Variants in EIF2S2 observed in about 807,000 individuals in gnomAD.
The protein encoded by EIF2S2 is eukaryotic translation initiation factor 2 subunit 2.
In EIF2S2, 4 loss-of-function variants were observed where a neutral mutation model predicts 44.0. The ratio of observed to expected loss-of-function variants is 0.09; its 90% CI spans 0.04 to 0.21. EIF2S2 has a LOEUF of 0.21. Among genes scored for constraint, EIF2S2 ranks in the 10% least tolerant of loss-of-function variants. EIF2S2 has a pLI of 1.00. For missense variants in EIF2S2, 154 were observed against 392.0 expected (o/e 0.39, Z 5.13); for synonymous variants, 108 against 128.3 (o/e 0.84, Z 1.07).
rs149639815 is a variant in EIF2S2, at chr20:34,090,455, C to CT, written c.826+61dup. ...TCACTGCAATCAAATGGCTCTTCCT[C>CT]TAACACTGCAGCCTCATGAGAACAT... On this transcript the variant is annotated intron_variant, in intron 8 of 8. Coordinates refer to ENST00000374980, the MANE Select transcript of EIF2S2 (RefSeq NM_003908.5). The CT allele has an allele frequency of 1.7e-4, 179 of 1,081,988 alleles. No individual in the cohort carries two copies. The African/African-American group carries it at 2.5e-3, about 15-fold the overall frequency. 67.0% of individuals were successfully genotyped at this position (1,081,988 alleles called of 1,614,324 possible).
intron 6 of EIF2S2, among the ~76,000 whole-genome samples, chr20:34,096,159 A>C (rs1328491802): frequency 6.6e-6 from 1 of 152,042 alleles, no homozygotes; most frequent in Non-Finnish European, 1.5e-5. Context: ...AACTACATTG[A>C]GCCTCCTCAC....
chr20:34,095,937 C>T (rs2034223255), intron 6 of EIF2S2, among the ~76,000 whole-genome samples: 1 of 152,162 alleles, frequency 6.6e-6, no homozygotes, highest in Non-Finnish European at 1.5e-5. Context: ...AGAGAAAAGC[C>T]ATTCCCAGAC....
At chr20:34,101,135 CA>C (rs2034290335) in intron 3 of EIF2S2, among the ~76,000 whole-genome samples, 1 of 152,110 alleles carries the variant, frequency 6.6e-6, no homozygotes, top group Non-Finnish European at 1.5e-5. Flanking sequence ...GTCTTAGTGC[CA>C]CATGTGGCTA....
intron 6 of EIF2S2, among the ~76,000 whole-genome samples, chr20:34,095,928 G>C (rs1046974075): frequency 2.0e-5 from 3 of 152,180 alleles, no homozygotes; most frequent in African/African-American, 7.2e-5. Flanking sequence ...GAGGAGCTCA[G>C]AGAAAAGCCA....
intron 1 of EIF2S2, among the ~76,000 whole-genome samples, chr20:34,106,753 A>C (rs2034354089): frequency 6.6e-6 from 1 of 152,120 alleles, no homozygotes; most frequent in South Asian, 2.1e-4. Flanking sequence ...TTCTTATCTA[A>C]ATGTCCACTA....
intron 1 of EIF2S2, among the ~76,000 whole-genome samples, chr20:34,105,883 C>T (rs929392377): frequency 3.3e-5 from 5 of 152,138 alleles, no homozygotes; most frequent in African/African-American, 1.2e-4. Flanking sequence ...CCTCACTTTA[C>T]AGATATAGGA....
At chr20:34,109,455 A>G (rs2034386175) in intron 1 of EIF2S2, among the ~76,000 whole-genome samples, 1 of 151,936 alleles carries the variant, frequency 6.6e-6, no homozygotes. Context: ...TGAGGCCAGG[A>G]GTTCAAGACA....
intron 1 of EIF2S2, among the ~76,000 whole-genome samples, chr20:34,108,463 C>A (rs188123970): frequency 5.3e-5 from 8 of 152,260 alleles, no homozygotes; most frequent in Admixed American, 4.6e-4. Context: ...AAAAATGAGG[C>A]CATGTTAGTC....
intron 7 of EIF2S2, among the ~76,000 whole-genome samples, chr20:34,092,961 G>A (rs1292014147): frequency 3.3e-5 from 5 of 152,146 alleles, no homozygotes; most frequent in Admixed American, 2.0e-4. Context: ...ACCTGTTTCC[G>A]AACGTGAAGA....
chr20:34,105,263 G>T, intron 2 of EIF2S2, 105 bp downstream of exon 2: 1 of 1,247,142 alleles, frequency 8.0e-7, no homozygotes, highest in Non-Finnish European at 1.1e-6. Context: ...GACTTCACTG[G>T]AACAGCCTTG....
intron 6 of EIF2S2, among the ~76,000 whole-genome samples, chr20:34,094,705 T>G (rs1423789857): frequency 2.4e-5 from 2 of 84,502 alleles, no homozygotes; most frequent in Non-Finnish European, 5.4e-5. Flanking sequence ...TATCTCAATA[T>G]ACAAAAAAAA....
chr20:34,091,014 C>T (rs188266363), intron 7 of EIF2S2, among the ~76,000 whole-genome samples: 2 of 152,194 alleles, frequency 1.3e-5, no homozygotes, highest in East Asian at 3.9e-4. Flanking sequence ...GCCTCCCAAA[C>T]TGCTGGGATT....
At chr20:34,098,679 T>A in intron 3 of EIF2S2, 46 bp from the exon 4 acceptor site, 1 of 1,564,402 alleles carries the variant, frequency 6.4e-7, no homozygotes, top group Non-Finnish European at 8.7e-7. Context: ...GGGACTATTC[T>A]TTTTTATTTA....
chr20:34,089,643 T>G lies in EIF2S2; in HGVS notation c.*87A>C. On this transcript the variant is annotated 3_prime_UTR_variant, in exon 9 of 9. Transcript: ENST00000374980. ...AATCTTGGCAGCTTTTTTATCTTGT[T>G]TTTAATACAACGGTATATCCACTCT... The G allele has an allele frequency of 6.9e-7, 1 of 1,452,014 alleles. No homozygotes were observed. The highest frequency in any genetic ancestry group is 2.4e-5 in the East Asian group (1 of 42,460). 89.9% of individuals were successfully genotyped at this position (1,452,014 alleles called of 1,614,324 possible). A position where few individuals can be genotyped will look rare whatever the true frequency, so the allele number is the denominator to read the frequency against.
intron 1 of EIF2S2, among the ~76,000 whole-genome samples, chr20:34,110,083 C>T (rs534609430): frequency 5.4e-5 from 6 of 111,980 alleles, no homozygotes; most frequent in East Asian, 2.5e-4. Flanking sequence ...AGCGACAGTG[C>T]GAAATTCCAT....
At chr20:34,110,048 A>G (rs2034394841) in intron 1 of EIF2S2, among the ~76,000 whole-genome samples, 1 of 147,636 alleles carries the variant, frequency 6.8e-6, no homozygotes, top group African/African-American at 2.5e-5. Flanking sequence ...CGGTGAGCCG[A>G]GATCACGCCA....
intron 1 of EIF2S2, among the ~76,000 whole-genome samples, chr20:34,109,555 G>C (rs955975225): frequency 1.9e-4 from 29 of 152,208 alleles, no homozygotes; most frequent in Non-Finnish European, 1.2e-4. Context: ...AGCTACTTGC[G>C]AGGCTGAGGC....
intron 1 of EIF2S2, among the ~76,000 whole-genome samples, chr20:34,110,297 G>A (rs2034398281): frequency 6.6e-6 from 1 of 152,030 alleles, no homozygotes. Context: ...TTAAAGGAAT[G>A]GCCTAAAAAT....
At position 34,089,838 on chromosome 20, in the gene EIF2S2, A is replaced by G; in HGVS notation, c.894T>C (p.Tyr298=). The change falls in exon 9 of 9, where the codon TAT becomes TAC. Residue 298 remains tyrosine, a synonymous_variant. Transcript: ENST00000374980. ...DTILQKDTRL[Y]FLQCETCHSR... ...AATGACAAGTTTCGCACTGTAGGAA[A>G]TAGAGTCGTGTGTCCTTCTGCAGGA... 6.2e-7 allele frequency: 1 copy of G among 1,613,962 alleles called. No individual in the cohort carries two copies. The highest frequency in any genetic ancestry group is 8.5e-7 in the Non-Finnish European group (1 of 1,179,874).
Sources: gnomAD v4.1 joint callset for allele counts (sites outside exome capture counted in the v4.1 genomes callset) on GRCh38, gnomAD v4.1.1 for gene constraint, MANE v1.5 for transcripts, NCBI Gene and HGNC (gene_info 2026-07-23, HGNC 2026-07-21) for gene names.